Variants in SLC35F4 observed in about 807,000 individuals in gnomAD.
SLC35F4 encodes the protein chromosome 14 open reading frame 36.
A neutral mutation model predicts 44.2 loss-of-function variants in SLC35F4; 24 were observed. The observed-to-expected ratio is 0.54, with a 90% CI of 0.39 to 0.76. The LOEUF is 0.76. Ranked by LOEUF, SLC35F4 falls within the 30% of genes least tolerant of loss-of-function variation. The pLI is 0.00. For synonymous variants in SLC35F4, 238 were observed against 223.6 expected (o/e 1.06, Z -0.57); for missense variants, 562 against 586.1 (o/e 0.96, Z 0.42).
In SLC35F4 at chr14:57,950,758, A is replaced by C. The variant is rs575221098; in HGVS notation, n.282+31155T>G. On this transcript the variant is annotated intron_variant and non_coding_transcript_variant, in intron 1 of 1. Transcript: ENST00000556568. ...ATCTCAGCTCATTTTCACCTCTCCC[A>C]CCCAGGTTAAAGCAATTCTCCTCCC... is the stretch of plus-strand genomic sequence containing the variant. Among the ~76,000 whole-genome samples, 4 of 141,340 alleles carry C rather than the reference A, an allele frequency of 2.8e-5. No individual in the cohort carries two copies. In the East Asian group the frequency reaches 8.8e-4, roughly 31 times the overall value. 92.7% of individuals were successfully genotyped at this position (141,340 alleles called of 152,430 possible). A position where few individuals can be genotyped will look rare whatever the true frequency, so the allele number is the denominator to read the frequency against.
At chr14:57,946,469 C>CTTTTTTTTTTTTTTTTTTTTTTTTT (rs71104596) in intron 1 of SLC35F4, among the ~76,000 whole-genome samples, 4 of 78,214 alleles carry the variant, frequency 5.1e-5, no homozygotes, top group Admixed American at 1.6e-4. Context: ...GTTTTCTTTT[C>CTTTTTTTTTTTTTTTTTTTTTTTTT]TTTTTTTTTT....
intron 1 of SLC35F4, among the ~76,000 whole-genome samples, chr14:57,751,774 T>A (rs546668474): frequency 1.3e-5 from 2 of 152,324 alleles, no homozygotes; most frequent in Non-Finnish European, 2.9e-5. Flanking sequence ...ATGGTCACAA[T>A]GAAAATATCA....
chr14:57,966,924 C>T (rs762452424), intron 1 of SLC35F4, among the ~76,000 whole-genome samples: 3 of 151,908 alleles, frequency 2.0e-5, no homozygotes, highest in African/African-American at 4.8e-5. Context: ...GCAGGAGAAT[C>T]GCTTGAACCC....
intron 1 of SLC35F4, among the ~76,000 whole-genome samples, chr14:57,907,352 C>T (rs1270900182): frequency 1.3e-5 from 2 of 152,136 alleles, no homozygotes; most frequent in African/African-American, 4.8e-5. Context: ...AAAATGTTGA[C>T]TTTGTTGTGG....
intron 1 of SLC35F4, among the ~76,000 whole-genome samples, chr14:57,710,009 T>C (rs1010722851): frequency 4.1e-4 from 62 of 152,322 alleles, no homozygotes; most frequent in African/African-American, 1.3e-3. Flanking sequence ...AGCCAAATGA[T>C]AATCACCAAG....
intron 1 of SLC35F4, among the ~76,000 whole-genome samples, chr14:57,937,902 A>T (rs1221875850): frequency 6.6e-6 from 1 of 152,108 alleles, no homozygotes; most frequent in Non-Finnish European, 1.5e-5. Flanking sequence ...AACAGCAATA[A>T]GTTATTGTTT....
chr14:57,572,836 A>T (rs1364991032), intron 4 of SLC35F4, among the ~76,000 whole-genome samples: 1 of 152,236 alleles, frequency 6.6e-6, no homozygotes, highest in African/African-American at 2.4e-5. Flanking sequence ...TCATCTCTTT[A>T]TCTTGAACTA....
chr14:57,958,327 A>G (rs537261735), intron 1 of SLC35F4, among the ~76,000 whole-genome samples: 2 of 152,266 alleles, frequency 1.3e-5, no homozygotes, highest in South Asian at 2.1e-4. Flanking sequence ...CAAAGTGCTG[A>G]GATTACATGC....
At chr14:57,721,812 C>T (rs1243628832) in intron 1 of SLC35F4, among the ~76,000 whole-genome samples, 1 of 152,106 alleles carries the variant, frequency 6.6e-6, no homozygotes, top group Non-Finnish European at 1.5e-5. Context: ...ACATTGCCTC[C>T]CCAACCCATG....
At chr14:57,853,861 C>T (rs1199164348) in intron 1 of SLC35F4, among the ~76,000 whole-genome samples, 3 of 152,190 alleles carry the variant, frequency 2.0e-5, no homozygotes, top group African/African-American at 7.2e-5. Flanking sequence ...CCCTTCAAAC[C>T]CATGAGAGAC....
intron 1 of SLC35F4, among the ~76,000 whole-genome samples, chr14:57,880,070 AAGGAAGGAAG>A (rs1566920004): frequency 7.2e-6 from 1 of 138,138 alleles, no homozygotes; most frequent in African/African-American, 2.9e-5. Flanking sequence ...GGAAGGAAGG[AAGGAAGGAAG>A]GAAGGAAGGA....
At chr14:57,684,975 G>A (rs1010946113) in intron 1 of SLC35F4, among the ~76,000 whole-genome samples, 7 of 152,100 alleles carry the variant, frequency 4.6e-5, no homozygotes, top group African/African-American at 1.7e-4. Context: ...TTTGTTTTGA[G>A]CTATGGGTCT....
chr14:57,847,268 A>G (rs918359624), intron 1 of SLC35F4, among the ~76,000 whole-genome samples: 7 of 152,268 alleles, frequency 4.6e-5, no homozygotes, highest in African/African-American at 1.7e-4. Flanking sequence ...TTTCAATCCC[A>G]GTAGTCTGTT....
intron 1 of SLC35F4, among the ~76,000 whole-genome samples, chr14:57,645,633 G>T (rs1161566366): frequency 6.6e-6 from 1 of 151,146 alleles, no homozygotes; most frequent in Non-Finnish European, 1.5e-5. Flanking sequence ...CTGCCTGATT[G>T]CCCTGACCAG....
intron 1 of SLC35F4, among the ~76,000 whole-genome samples, chr14:57,635,734 T>C (rs1293646436): frequency 6.6e-6 from 1 of 152,124 alleles, no homozygotes; most frequent in Non-Finnish European, 1.5e-5. Flanking sequence ...TGAAATGCCA[T>C]AAGAAATTAT....
intron 1 of SLC35F4, among the ~76,000 whole-genome samples, chr14:57,716,634 A>G (rs1441283899): frequency 1.3e-5 from 2 of 152,232 alleles, no homozygotes; most frequent in East Asian, 1.9e-4. Flanking sequence ...GTACATATGT[A>G]TGGAGTACAG....
At chr14:57,912,793 G>A (rs1889242196) in intron 1 of SLC35F4, among the ~76,000 whole-genome samples, 1 of 151,946 alleles carries the variant, frequency 6.6e-6, no homozygotes, top group African/African-American at 2.4e-5. Context: ...CTTGACTGAT[G>A]GTGCTGATGA....
chr14:57,675,522 T>C (rs866409348), intron 1 of SLC35F4, among the ~76,000 whole-genome samples: 5 of 152,078 alleles, frequency 3.3e-5, no homozygotes, highest in African/African-American at 1.2e-4. Flanking sequence ...TCTCGTCTGA[T>C]TGCTCTAACC....
chr14:57,894,525 A>C (rs1482373092), intron 1 of SLC35F4, among the ~76,000 whole-genome samples: 1 of 152,124 alleles, frequency 6.6e-6, no homozygotes, highest in African/African-American at 2.4e-5. Context: ...TAACAATAAA[A>C]ATAACAAAAA....
Sources: allele counts gnomAD v4.1 joint callset (sites outside exome capture counted in the v4.1 genomes callset), GRCh38; gene constraint gnomAD v4.1.1; transcripts MANE v1.5; gene names NCBI Gene and HGNC (gene_info 2026-07-23, HGNC 2026-07-21).